The following MYPN variants were observed in gnomAD, a reference collection of about 807,000 sequenced individuals.
MYPN encodes sarcomeric protein myopalladin, 145 kDa (MYOP).
MYPN carries 63 observed loss-of-function variants against 129.4 expected under a neutral mutation model. That is an observed-to-expected ratio of 0.49 (90% CI 0.40 to 0.60). MYPN has a LOEUF of 0.60. Among genes scored for constraint, MYPN ranks in the 20% least tolerant of loss-of-function variants. The pLI is 0.00. For synonymous variants in MYPN, 629 were observed against 600.9 expected (o/e 1.05, Z -0.68); for missense variants, 1,596 against 1,635.4 (o/e 0.98, Z 0.42).
intron 1 of MYPN, among the ~76,000 whole-genome samples, chr10:68,115,206 C>A (rs931558789): frequency 7.1e-6 from 1 of 139,886 alleles, no homozygotes; most frequent in African/African-American, 2.7e-5. Flanking sequence ...TTGCAGTGAG[C>A]GGAAATTGCA....
intron 2 of MYPN, among the ~76,000 whole-genome samples, chr10:68,141,060 C>A (rs1211446878): frequency 6.6e-6 from 1 of 151,206 alleles, no homozygotes; most frequent in Non-Finnish European, 1.5e-5. Context: ...CAGAGTGAGA[C>A]CCTTCCTCCA....
chr10:68,161,755 AAAGATGATT>A lies in MYPN; in HGVS notation c.1483+4_1483+12del. 6.2e-7 allele frequency: 1 copy of A among 1,608,068 alleles called. No individual in the cohort carries two copies. The highest frequency in any genetic ancestry group is 8.5e-7 in the Non-Finnish European group (1 of 1,175,116). On this transcript the variant is annotated splice_donor_5th_base_variant and intron_variant, in intron 8 of 19. Coordinates refer to ENST00000358913, the MANE Select transcript of MYPN (RefSeq NM_032578.4). ...ACCTCGATCCATGGCAGAGCCAGGT[AAAGATGATT>A]TCAACTTTAATTTATTAGTATATGA... is the stretch of plus-strand genomic sequence containing the variant.
At chr10:68,098,491 T>C (rs2041967429) in intron 1 of MYPN, among the ~76,000 whole-genome samples, 1 of 152,140 alleles carries the variant, frequency 6.6e-6, no homozygotes. Context: ...AGCTACTTCT[T>C]TTTATTAACA....
At chr10:68,141,010 C>T (rs1206434443) in intron 2 of MYPN, among the ~76,000 whole-genome samples, 1 of 151,946 alleles carries the variant, frequency 6.6e-6, no homozygotes, top group East Asian at 1.9e-4. Context: ...GAGGTTGAGG[C>T]TGGAGTGAAC....
intron 14 of MYPN, among the ~76,000 whole-genome samples, chr10:68,194,745 A>C (rs2043576611): frequency 6.6e-6 from 1 of 152,188 alleles, no homozygotes; most frequent in Non-Finnish European, 1.5e-5. Context: ...CTATTTTTTC[A>C]CTATGTATAC....
intron 2 of MYPN, 73 bp downstream of exon 2, chr10:68,122,413 T>A (rs984555430): frequency 6.6e-7 from 1 of 1,510,174 alleles, no homozygotes; most frequent in Non-Finnish European, 9.2e-7. Flanking sequence ...GTATTATCAT[T>A]TAAGCACCTG....
intron 10 of MYPN, 120 bp downstream of exon 10, chr10:68,166,786 T>C: frequency 7.2e-7 from 1 of 1,390,996 alleles, no homozygotes; most frequent in Non-Finnish European, 9.9e-7. Context: ...CCGAGCACTT[T>C]GGGAGGCTGA....
At chr10:68,167,381 A>C (rs973694084) in intron 10 of MYPN, among the ~76,000 whole-genome samples, 1 of 152,182 alleles carries the variant, frequency 6.6e-6, no homozygotes, top group Non-Finnish European at 1.5e-5. Flanking sequence ...TAATTTTTAG[A>C]TAGTTCCTAG....
intron 1 of MYPN, among the ~76,000 whole-genome samples, chr10:68,114,842 T>A (rs984986485): frequency 1.2e-4 from 18 of 152,232 alleles, no homozygotes; most frequent in African/African-American, 4.1e-4. Context: ...TCATTTCCAA[T>A]CTGGTGCCAT....
intron 2 of MYPN, chr10:68,136,687 C>T (rs1405916069): frequency 1.3e-6 from 2 of 1,535,362 alleles, no homozygotes; most frequent in African/African-American, 1.4e-5. Flanking sequence ...CACTTATCTC[C>T]TTCTGGCTAT....
chr10:68,188,780 G>C, intron 12 of MYPN, 125 bp from the exon 13 acceptor site: 1 of 798,928 alleles, frequency 1.3e-6, no homozygotes, highest in Non-Finnish European at 2.1e-6. Flanking sequence ...GAACATACCT[G>C]GTTCATTTGG....
intron 12 of MYPN, among the ~76,000 whole-genome samples, chr10:68,184,233 T>A (rs61857174): frequency 0.11 from 17,270 of 152,192 alleles, 1,294 homozygotes; most frequent in Admixed American, 0.17. Context: ...TTTTCAGGAA[T>A]AACTGGAAAC....
intron 1 of MYPN, among the ~76,000 whole-genome samples, chr10:68,088,082 C>T (rs538740782): frequency 2.0e-5 from 3 of 152,120 alleles, no homozygotes; most frequent in South Asian, 4.2e-4. Flanking sequence ...TAATACTGTC[C>T]CAGTAAAAAG....
At chr10:68,096,098 C>T (rs1044930108) in intron 1 of MYPN, among the ~76,000 whole-genome samples, 5 of 152,132 alleles carry the variant, frequency 3.3e-5, no homozygotes, top group African/African-American at 1.2e-4. Context: ...AGATAATATA[C>T]ACAAATCAAC....
At chr10:68,100,281 G>A (rs1258026155) in intron 1 of MYPN, among the ~76,000 whole-genome samples, 1 of 152,180 alleles carries the variant, frequency 6.6e-6, no homozygotes, top group East Asian at 1.9e-4. Context: ...GTCACTCAGG[G>A]AGCTAAATAA....
In MYPN at chr10:68,202,008, C is replaced by T. The variant is rs370172180; in HGVS notation, c.3659+14C>T. 27 of 1,613,768 alleles carry T rather than the reference C, an allele frequency of 1.7e-5. No homozygotes were observed. The highest frequency in any genetic ancestry group is 3.3e-5 in the Admixed American group (2 of 59,998). On this transcript the variant is annotated intron_variant, in intron 18 of 19. Coordinates refer to ENST00000358913, the MANE Select transcript of MYPN (RefSeq NM_032578.4). ...AGAGAGGATCAGGTACAGCAGCCAC[C>T]ACATCCAGAGGGACTCCCACTCTCA... is the stretch of plus-strand genomic sequence containing the variant.
At chr10:68,105,174 A>T (rs2042002751), upstream of MYPN, among the ~76,000 whole-genome samples, 1 of 152,156 alleles carries the variant, frequency 6.6e-6, no homozygotes, top group Non-Finnish European at 1.5e-5. Flanking sequence ...ATGAGCACAG[A>T]CTCAGGTTCA....
rs189099585 is a variant in MYPN, at chr10:68,170,031, C to T, written c.1973+3365C>T. Among the ~76,000 whole-genome samples, 406 of 152,268 alleles carry T rather than the reference C, an allele frequency of 2.7e-3. 4 individuals are homozygous for T. The highest frequency in any genetic ancestry group is 9.3e-3 in the African/African-American group (387 of 41,540). ...GGGATTACAGGTGTGAGCCACCCAC[C>T]GCACCCAGACAAAAGTCACACTCTT... On this transcript the variant is annotated intron_variant, in intron 10 of 19. Coordinates refer to ENST00000358913, the MANE Select transcript of MYPN (RefSeq NM_032578.4).
chr10:68,211,013 T>G lies in MYPN; in HGVS notation c.*558T>G. 1 of 454,128 alleles carries G rather than the reference T, an allele frequency of 2.2e-6. No homozygotes were observed. Among genetic ancestry groups the G allele is most frequent in the Non-Finnish European group, 4.4e-6 (1 of 226,798 alleles). The allele number at this position is 454,128 out of a possible 1,614,324, so 28.1% of individuals were successfully genotyped here. A position where few individuals can be genotyped will look rare whatever the true frequency, so the allele number is the denominator to read the frequency against. On this transcript the variant is annotated 3_prime_UTR_variant, in exon 20 of 20. Coordinates refer to ENST00000358913, the MANE Select transcript of MYPN (RefSeq NM_032578.4). ...CGTATGCGGGCAAACACTTTTGATT[T>G]GCATATCCTGGGTGTACTGAGCCAC...
Sources: allele counts gnomAD v4.1 joint callset (sites outside exome capture counted in the v4.1 genomes callset), GRCh38; gene constraint gnomAD v4.1.1; transcripts MANE v1.5; gene names NCBI Gene and HGNC (gene_info 2026-07-23, HGNC 2026-07-21).